PCDH15: variants seen among roughly 807,000 people sequenced by gnomAD.
PCDH15 encodes protocadherin related 15, also known as protocadherin-15.
In PCDH15, 129 loss-of-function variants were observed where a neutral mutation model predicts 178.5. The observed-to-expected ratio is 0.72, with a 90% CI of 0.63 to 0.84. The LOEUF (loss-of-function observed/expected upper bound fraction) is 0.84, where lower values mean the gene tolerates loss of function less well. Ranked by LOEUF, PCDH15 falls within the 40% of genes least tolerant of loss-of-function variation. The probability of loss-of-function intolerance (pLI) is 0.00; values close to 1 mark genes in which losing one functional copy is unlikely to be tolerated. For missense variants in PCDH15, 2,230 were observed against 2,099.9 expected (o/e 1.06, Z -1.21); for synonymous variants, 800 against 732.0 (o/e 1.09, Z -1.50).
chr10:54,170,535 C>T (rs2046784314), intron 13 of PCDH15, among the ~76,000 whole-genome samples: 2 of 151,458 alleles, frequency 1.3e-5, no homozygotes, highest in Non-Finnish European at 1.5e-5. Flanking sequence ...CTTTCTGCTT[C>T]CCAGCTCCTT....
intron 2 of PCDH15, among the ~76,000 whole-genome samples, chr10:55,078,314 ATC>A (rs1841959768): frequency 6.6e-6 from 1 of 152,120 alleles, no homozygotes. Context: ...TTGGCATTGC[ATC>A]TGTCTGGGGG....
At chr10:54,825,949 G>A (rs1400893926) in intron 3 of PCDH15, among the ~76,000 whole-genome samples, 1 of 151,980 alleles carries the variant, frequency 6.6e-6, no homozygotes, top group Non-Finnish European at 1.5e-5. Context: ...CTCTAATACT[G>A]AGTGATTCCT....
At chr10:54,282,606 T>C (rs913641794) in intron 8 of PCDH15, among the ~76,000 whole-genome samples, 1 of 151,852 alleles carries the variant, frequency 6.6e-6, no homozygotes, top group Admixed American at 6.6e-5. Context: ...TTTTTTAATG[T>C]TGTATGTTGA....
At chr10:55,576,225 A>C (rs145055947) in intron 2 of PCDH15, among the ~76,000 whole-genome samples, 1 of 152,318 alleles carries the variant, frequency 6.6e-6, no homozygotes, top group Admixed American at 6.5e-5. Flanking sequence ...ATGTATTATT[A>C]ATATATACCA....
intron 26 of PCDH15, among the ~76,000 whole-genome samples, chr10:53,876,198 G>GT (rs66727745): frequency 0.61 from 88,691 of 145,264 alleles, 28,158 homozygotes; most frequent in Middle Eastern, 0.77. Flanking sequence ...TTGTTTTTTT[G>GT]TTTTTTTTTT....
At chr10:54,394,897 G>C (rs1215291330) in intron 3 of PCDH15, among the ~76,000 whole-genome samples, 2 of 152,212 alleles carry the variant, frequency 1.3e-5, no homozygotes, top group East Asian at 3.9e-4. Context: ...TCTCCCATTT[G>C]CTTTTGAAAG....
At chr10:53,862,185 G>T (rs1196554227) in intron 27 of PCDH15, among the ~76,000 whole-genome samples, 1 of 151,928 alleles carries the variant, frequency 6.6e-6, no homozygotes, top group Non-Finnish European at 1.5e-5. Flanking sequence ...CCGAGTATCT[G>T]GGATTACAGG....
chr10:54,200,193 C>A (rs992346576), intron 10 of PCDH15, among the ~76,000 whole-genome samples: 2 of 148,326 alleles, frequency 1.3e-5, no homozygotes, highest in African/African-American at 5.0e-5. Flanking sequence ...AATTATTTAT[C>A]ATTTAAATAA....
intron 3 of PCDH15, among the ~76,000 whole-genome samples, chr10:54,494,680 G>T (rs1357659308): frequency 6.6e-6 from 1 of 152,108 alleles, no homozygotes. Flanking sequence ...CCCTTGTGAG[G>T]CTGGCAGATA....
chr10:54,097,095 G>A (rs1324791424), intron 15 of PCDH15, among the ~76,000 whole-genome samples: 2 of 152,124 alleles, frequency 1.3e-5, no homozygotes, highest in African/African-American at 4.8e-5. Context: ...TGTGCTGACA[G>A]AGCATATCAA....
intron 11 of PCDH15, among the ~76,000 whole-genome samples, chr10:54,193,181 T>C (rs2049206740): frequency 6.6e-6 from 1 of 152,208 alleles, no homozygotes; most frequent in African/African-American, 2.4e-5. Context: ...ATCAATGCCC[T>C]GTGAGTACTA....
At chr10:53,816,072 G>T (rs2076049694) in intron 35 of PCDH15, among the ~76,000 whole-genome samples, 167 bp downstream of exon 35, 1 of 152,060 alleles carries the variant, frequency 6.6e-6, no homozygotes, top group Non-Finnish European at 1.5e-5. Context: ...TTCAGGAGGT[G>T]ATTTCTTGGT....
chr10:53,957,516 T>TTTTTTC (rs1554881352), intron 23 of PCDH15, among the ~76,000 whole-genome samples: 3 of 151,128 alleles, frequency 2.0e-5, no homozygotes, highest in Admixed American at 6.6e-5. Flanking sequence ...TTTTTTTTTT[T>TTTTTTC]CCTGATAACC....
intron 25 of PCDH15, among the ~76,000 whole-genome samples, chr10:53,928,161 C>T (rs1239305256): frequency 6.6e-6 from 1 of 152,008 alleles, no homozygotes; most frequent in Non-Finnish European, 1.5e-5. Context: ...TGAATGTTCA[C>T]TCCTATGTAC....
At chr10:55,405,165 A>G (rs1269804177) in intron 2 of PCDH15, among the ~76,000 whole-genome samples, 1 of 151,384 alleles carries the variant, frequency 6.6e-6, no homozygotes, top group Non-Finnish European at 1.5e-5. Flanking sequence ...AAATATGTGG[A>G]TGAATTATGT....
chr10:54,910,153 A>C (rs1411047375), intron 2 of PCDH15, among the ~76,000 whole-genome samples: 3 of 152,138 alleles, frequency 2.0e-5, no homozygotes, highest in African/African-American at 7.2e-5. Flanking sequence ...CTGCTCCCAC[A>C]GTTGCTCCTG....
At chr10:54,179,787 C>T (rs2047804549) in intron 13 of PCDH15, among the ~76,000 whole-genome samples, 1 of 152,056 alleles carries the variant, frequency 6.6e-6, no homozygotes, top group African/African-American at 2.4e-5. Context: ...TTAAAAGTTC[C>T]TCAGGCAGAA....
At chr10:55,283,477 CCT>C (rs1341554517) in intron 1 of PCDH15, among the ~76,000 whole-genome samples, 7 of 151,790 alleles carry the variant, frequency 4.6e-5, no homozygotes, top group Non-Finnish European at 8.8e-5. Flanking sequence ...TTGCAATTCC[CCT>C]GTCTTGATAA....
rs781522540 is a variant in PCDH15 at position 53,840,340 on chromosome 10, G to A, written c.3963C>T (p.Ile1321=). 6 of 1,614,104 alleles carry A rather than the reference G, an allele frequency of 3.7e-6. No homozygotes were observed. The highest frequency in any genetic ancestry group is 3.3e-5 in the South Asian group (3 of 91,080). The part of the protein sequence containing the change: ...YAIDPQTNRA[I]DRNELFKFLD... Reference sequence around the variant, plus strand: ...CTTACTTAAAAAGCTCATTTCTATCGATGGCTCTGTTGGTTTGGGGGTCAA... The same window carrying A: ...CTTACTTAAAAAGCTCATTTCTATCAATGGCTCTGTTGGTTTGGGGGTCAA... The change falls in exon 29 of 38, where the codon ATC becomes ATT. Residue 1321 remains isoleucine (I), a synonymous_variant. Transcript: ENST00000644397.
Sources: gnomAD v4.1 joint callset for allele counts (sites outside exome capture counted in the v4.1 genomes callset) on GRCh38, gnomAD v4.1.1 for gene constraint, MANE v1.5 for transcripts, NCBI Gene and HGNC (gene_info 2026-07-23, HGNC 2026-07-21) for gene names.